The following ACSM3 variants were observed in gnomAD, a reference collection of about 807,000 sequenced individuals.
ACSM3 encodes acyl-CoA synthetase medium chain family member 3, also known as acyl-coenzyme A synthetase ACSM3, mitochondrial.
Under a neutral mutation model 74.1 loss-of-function variants are expected in ACSM3, and 61 were observed. The observed-to-expected ratio is 0.82, with a 90% CI of 0.67 to 1.02. The LOEUF (loss-of-function observed/expected upper bound fraction) is 1.02, where lower values mean the gene tolerates loss of function less well. Ranked by LOEUF, ACSM3 falls within the 50% of genes least tolerant of loss-of-function variation. The pLI is 0.00. For synonymous variants in ACSM3, 213 were observed against 241.5 expected (o/e 0.88, Z 1.09); for missense variants, 660 against 697.0 (o/e 0.95, Z 0.60).
upstream of ACSM3, among the ~76,000 whole-genome samples, chr16:20,762,618 TAGA>T (rs1290580328): frequency 1.3e-5 from 2 of 152,148 alleles, no homozygotes; most frequent in Non-Finnish European, 2.9e-5. Flanking sequence ...GGTTCAATAT[TAGA>T]AGATCAGTGT....
chr16:20,691,462 G>A (rs377477966), intron 1 of ACSM3, among the ~76,000 whole-genome samples: 33 of 152,220 alleles, frequency 2.2e-4, no homozygotes, highest in East Asian at 3.9e-4. Flanking sequence ...GGTTTGGTGC[G>A]CGTTCCTAGG....
intron 1 of ACSM3, among the ~76,000 whole-genome samples, chr16:20,716,857 G>C (rs1233550359): frequency 6.6e-6 from 1 of 152,012 alleles, no homozygotes; most frequent in African/African-American, 2.4e-5. Context: ...CCTGGTATTG[G>C]GTCTGATCAC....
chr16:20,796,261 C>T (rs994909086), intron 12 of ACSM3, 109 bp from the exon 13 acceptor site: 1 of 1,487,598 alleles, frequency 6.7e-7, no homozygotes, highest in African/African-American at 1.4e-5. Context: ...TATTAAAACA[C>T]ACTGGCCCAC....
Position 20,685,427 on chromosome 16 carries a change from G to A in ACSM3, c.-190+10605G>A, listed in dbSNP as rs76308852. 8,996 of 1,610,112 alleles carry A rather than the reference G, an allele frequency of 5.6e-3. 459 individuals are homozygous for A. The African/African-American group carries it at 0.11, about 19-fold the overall frequency. On this transcript the variant is annotated intron_variant, in intron 1 of 3. Coordinates refer to the ACSM3 transcript ENST00000561584. ...TCCTGGTCAAGACCATATATTATGT[G>A]TTATTTTCTGCTTCAAAGAAAAAGG...
chr16:20,789,070 C>T (rs548828773), intron 9 of ACSM3, among the ~76,000 whole-genome samples: 21 of 152,156 alleles, frequency 1.4e-4, no homozygotes, highest in Non-Finnish European at 2.6e-4. Context: ...TACTTAGAAA[C>T]AGCTAAAAGT....
In ACSM3 at chr16:20,690,918, C is replaced by A. The variant is rs1366169161; in HGVS notation, c.-190+16096C>A. 7.0e-6 allele frequency: 10 copies of A among 1,423,418 alleles called. No individual in the cohort carries two copies. In the African/African-American group the frequency reaches 1.2e-4, roughly 17 times the overall value. 88.2% of individuals were successfully genotyped at this position (1,423,418 alleles called of 1,614,324 possible). On this transcript the variant is annotated intron_variant, in intron 1 of 3. Coordinates refer to the ACSM3 transcript ENST00000561584. Reference sequence around the variant, plus strand: ...AGGCAGAAGTAACTTTGGTTCCATACCTTTCAGCCTAGTAGGAGCAAGATA... The same window carrying A: ...AGGCAGAAGTAACTTTGGTTCCATAACTTTCAGCCTAGTAGGAGCAAGATA...
chr16:20,767,712 T>C (rs1170103116), intron 1 of ACSM3, among the ~76,000 whole-genome samples: 2 of 152,178 alleles, frequency 1.3e-5, no homozygotes, highest in African/African-American at 2.4e-5. Context: ...TTGTTAATTC[T>C]TCCCAGGAAC....
chr16:20,686,674 C>A (rs987618155), intron 1 of ACSM3, among the ~76,000 whole-genome samples: 1 of 151,938 alleles, frequency 6.6e-6, no homozygotes, highest in Non-Finnish European at 1.5e-5. Flanking sequence ...TAGAGCCAGG[C>A]GAGGTGGCAC....
At chr16:20,718,014 GAAGAA>G (rs2079771186) in intron 1 of ACSM3, among the ~76,000 whole-genome samples, 2 of 146,286 alleles carry the variant, frequency 1.4e-5, no homozygotes, top group Admixed American at 6.8e-5. Context: ...AGAAGAAGAA[GAAGAA>G]GAAGAAGAAA....
rs1246248134 is a variant in ACSM3, at chr16:20,682,562, T to C, written c.-190+7740T>C. On this transcript the variant is annotated intron_variant, in intron 1 of 3. Coordinates refer to the ACSM3 transcript ENST00000561584. ...ATCGAAATACCCTAACTTCTTGTTATGTAAAGTACAGGCCACAGAACAACA... is the reference window on the plus strand; with the variant it reads ...ATCGAAATACCCTAACTTCTTGTTACGTAAAGTACAGGCCACAGAACAACA... The C allele has an allele frequency of 5.5e-6, 5 of 905,940 alleles. 1 individual carries two copies. The highest frequency in any genetic ancestry group is 3.0e-5 in the South Asian group (2 of 66,728). 56.1% of individuals were successfully genotyped at this position (905,940 alleles called of 1,614,324 possible). A position where few individuals can be genotyped will look rare whatever the true frequency, so the allele number is the denominator to read the frequency against.
intron 1 of ACSM3, among the ~76,000 whole-genome samples, chr16:20,724,435 C>A (rs1377637155): frequency 1.3e-5 from 2 of 152,128 alleles, no homozygotes; most frequent in South Asian, 2.1e-4. Flanking sequence ...ACTGAATGGA[C>A]AAAAACTGGA....
intron 7 of ACSM3, 127 bp downstream of exon 7, chr16:20,781,914 T>A: frequency 1.5e-6 from 1 of 674,950 alleles, no homozygotes; most frequent in Non-Finnish European, 2.6e-6. Flanking sequence ...ATCTCTCCTC[T>A]TCCTCTTTCT....
At chr16:20,742,158 G>T in intron 1 of ACSM3, 1 of 837,156 alleles carries the variant, frequency 1.2e-6, no homozygotes, top group Non-Finnish European at 1.6e-6. Flanking sequence ...AATTGAACGT[G>T]GACACAATGG....
chr16:20,701,264 C>T (rs1338117184), intron 1 of ACSM3, among the ~76,000 whole-genome samples: 1 of 152,132 alleles, frequency 6.6e-6, no homozygotes, highest in African/African-American at 2.4e-5. Context: ...TGCCATGCTT[C>T]TCAATACTCT....
intron 1 of ACSM3, chr16:20,680,639 A>T (rs2079423782): frequency 6.6e-6 from 1 of 152,228 alleles, no homozygotes; most frequent in Non-Finnish European, 1.5e-5. Context: ...GCTTTCACAG[A>T]GGCAGTAGGA....
At chr16:20,787,845 T>C (rs977529786) in intron 9 of ACSM3, among the ~76,000 whole-genome samples, 3 of 152,228 alleles carry the variant, frequency 2.0e-5, no homozygotes, top group Non-Finnish European at 4.4e-5. Flanking sequence ...GACCAACCTG[T>C]CTGTTTGCCT....
chr16:20,785,130 CAT>C, intron 8 of ACSM3, 23 bp downstream of exon 8: 2 of 1,611,636 alleles, frequency 1.2e-6, no homozygotes, highest in Non-Finnish European at 1.7e-6. Context: ...ACTGAAAAGA[CAT>C]AGCTGGATTC....
chr16:20,682,268 C>G (rs148646745), intron 1 of ACSM3: 1 of 1,613,018 alleles, frequency 6.2e-7, no homozygotes, highest in South Asian at 1.1e-5. Context: ...AACCAGCGAT[C>G]GGAAGTCCAG....
At chr16:20,749,758 C>T (rs2079975447) in intron 1 of ACSM3, 1 of 152,334 alleles carries the variant, frequency 6.6e-6, no homozygotes, top group South Asian at 2.1e-4. Context: ...CCAGGTAGAC[C>T]CAACAGACAG....
Sources: gnomAD v4.1 joint callset for allele counts (sites outside exome capture counted in the v4.1 genomes callset) on GRCh38, gnomAD v4.1.1 for gene constraint, MANE v1.5 for transcripts, NCBI Gene and HGNC (gene_info 2026-07-23, HGNC 2026-07-21) for gene names.